FAAP20: variants seen among roughly 807,000 people sequenced by gnomAD.
FAAP20 encodes the protein Fanconi anemia core complex-associated protein 20.
FAAP20 carries 12 observed loss-of-function variants against 16.2 expected under a neutral mutation model. The observed-to-expected ratio is 0.74, with a 90% confidence interval of 0.48 to 1.20. The LOEUF is 1.20. FAAP20 is among the 50% of genes most tolerant of loss of function. FAAP20 has a pLI of 0.00. For synonymous variants in FAAP20, 141 were observed against 110.7 expected, an observed-to-expected ratio of 1.27 and a Z score of -1.72; for missense variants, 288 against 245.8, an observed-to-expected ratio of 1.17 and a Z score of -1.15.
At chr1:2,201,169 G>C, upstream of FAAP20, 2 of 1,269,268 alleles carry the variant, frequency 1.6e-6, no homozygotes, top group Non-Finnish European at 2.1e-6. Flanking sequence ...TGAGTGACGT[G>C]CAGACCTTCA....
chr1:2,210,506 C>G (rs1105270), downstream of FAAP20, among the ~76,000 whole-genome samples: 3 of 151,950 alleles, frequency 2.0e-5, no homozygotes, highest in Non-Finnish European at 4.4e-5. Context: ...TGGGGCTGAT[C>G]TAGTCACAGG....
chr1:2,184,483 T>G (rs928521964), downstream of FAAP20: 1 of 814,954 alleles, frequency 1.2e-6, no homozygotes, highest in South Asian at 1.7e-5. Flanking sequence ...ATGCTGACTT[T>G]CTCACTGTTT....
At chr1:2,201,498 T>G (rs181315937), upstream of FAAP20, among the ~76,000 whole-genome samples, 36 of 151,956 alleles carry the variant, frequency 2.4e-4, no homozygotes, top group East Asian at 6.4e-3. Flanking sequence ...AAGGCGGGTG[T>G]ATCACCTGAG....
intron 3 of FAAP20, 108 bp downstream of exon 3, chr1:2,193,530 AG>A: frequency 2.7e-6 from 4 of 1,481,812 alleles, no homozygotes; most frequent in Non-Finnish European, 3.6e-6. Context: ...AGTGTGAAAC[AG>A]GGCTTTAAAA....
At position 2,189,731 on chromosome 1, in the gene FAAP20, C is replaced by T. The variant is rs1433283696; in HGVS notation, c.521G>A (p.Ser174Asn). Residue 174 changes from serine (S) to asparagine (N), a missense_variant, in exon 4 of 4, where the codon AGC (serine) becomes AAC (asparagine). Ser to Asn is a conservative substitution (Grantham distance 46, BLOSUM62 1). Coordinates refer to ENST00000378546, the MANE Select transcript of FAAP20 (RefSeq NM_182533.4). ...CGCTCACCACGTCACGTCTTCTGTG[C>T]TTTCGGCCAAGCACTGGGCCAGGTG... ...DSHLAQCLAE[S>N]TEDVTW 6.2e-7 allele frequency: 1 copy of T among 1,611,042 alleles called. No individual in the cohort carries two copies. Among genetic ancestry groups the T allele is most frequent in the Non-Finnish European group, 8.5e-7 (1 of 1,178,618 alleles).
intron 3 of FAAP20, chr1:2,190,412 G>A (rs896739185): frequency 1.3e-5 from 6 of 447,944 alleles, no homozygotes; most frequent in Non-Finnish European, 2.3e-5. Context: ...AAACCCATCC[G>A]AGTCCTGCAG....
upstream of FAAP20, chr1:2,194,817 CG>C (rs1688728179): frequency 6.4e-6 from 7 of 1,088,458 alleles, no homozygotes; most frequent in Non-Finnish European, 7.8e-6. Context: ...GCCCCCGCCC[CG>C]GCCCCGCCTC....
upstream of FAAP20, chr1:2,199,371 C>T (rs969765016): frequency 2.3e-5 from 23 of 1,019,360 alleles, no homozygotes; most frequent in Non-Finnish European, 2.6e-5. This position sits in a 1 kb window ranked among gnomAD's most constrained non-coding sequence, Gnocchi z 4.5. Context: ...GCTCTGACGT[C>T]CCCCCGCCCG....
At chr1:2,193,118 G>T (rs1417945122) in intron 3 of FAAP20, 2 of 800,692 alleles carry the variant, frequency 2.5e-6, no homozygotes, top group Non-Finnish European at 3.5e-6. Context: ...GGAGGCCAAG[G>T]GCCCAGAGGT....
At chr1:2,185,495 G>A (rs1687452626), downstream of FAAP20, 1 of 717,950 alleles carries the variant, frequency 1.4e-6, no homozygotes, top group Non-Finnish European at 2.6e-6. Flanking sequence ...GACACAGGTG[G>A]GGGCGGGAGT....
chr1:2,189,429 T>C (rs1423882606), downstream of FAAP20: 4 of 519,230 alleles, frequency 7.7e-6, no homozygotes, highest in Non-Finnish European at 1.4e-5. Context: ...CCGTCCGCTG[T>C]CCACAGTGGG....
chr1:2,211,428 TATA>T (rs1557797930), downstream of FAAP20, among the ~76,000 whole-genome samples: 7 of 30,760 alleles, frequency 2.3e-4, no homozygotes, highest in African/African-American at 5.7e-4. Flanking sequence ...TATATATATA[TATA>T]TATATTTTTT....
At position 2,194,121 on chromosome 1, in the gene FAAP20, G is replaced by C; in HGVS notation, c.75C>G (p.Gly25=). The C allele has an allele frequency of 6.2e-7, 1 of 1,612,202 alleles. No homozygotes were observed. Among genetic ancestry groups the C allele is most frequent in the South Asian group, 1.1e-5 (1 of 91,066 alleles). The change falls in exon 2 of 4, where the codon GGC becomes GGG. Residue 25 remains glycine (G), a synonymous_variant. Transcript: ENST00000378546. ...CACCCCCCAGGAGAAACCAGGGGCG[G>C]CCGCCAGAAGGCCTGGGGCAGACAG... ...RPRPAGGPSG[G]RPWFLLGGDE...
At chr1:2,211,419 ATATATATATATATATATTTTTTTT>A (rs1689436666), downstream of FAAP20, among the ~76,000 whole-genome samples, 1 of 17,148 alleles carries the variant, frequency 5.8e-5, no homozygotes, top group Admixed American at 7.6e-4. Flanking sequence ...ATATATATAT[ATATATATATATATATATTTTTTTT>A]TTTTTTTTTT....
chr1:2,200,314 G>A (rs565445782), upstream of FAAP20: 22 of 151,614 alleles, frequency 1.5e-4, 1 homozygote, highest in South Asian at 3.9e-3. Context: ...AGAATCGCTT[G>A]AACCCAGGAG....
At chr1:2,189,935 C>G in intron 3 of FAAP20, 154 bp from the exon 4 acceptor site, 1 of 666,848 alleles carries the variant, frequency 1.5e-6, no homozygotes, top group Non-Finnish European at 2.7e-6. Flanking sequence ...GGCTCATGCA[C>G]CCGGCAGACC....
rs1356315050 is a variant in FAAP20, at chr1:2,193,743, C to T, written c.366G>A (p.Pro122=). Residue 122 remains proline, a synonymous_variant, in exon 3 of 4, where the codon CCG becomes CCA. Coordinates refer to ENST00000378546, the MANE Select transcript of FAAP20 (RefSeq NM_182533.4). Reference sequence around the variant, plus strand: ...TGGGGGCCCTGCAGGGATCAGGTGCCGGGCGCTGGGGCAGGGACCTGGCGG... The same window carrying T: ...TGGGGGCCCTGCAGGGATCAGGTGCTGGGCGCTGGGGCAGGGACCTGGCGG... ...ESPARSLPQR[P]APDPCRAPRV... The T allele has an allele frequency of 1.9e-6, 3 of 1,591,356 alleles. No individual in the cohort carries two copies. Among genetic ancestry groups the T allele is most frequent in the East Asian group, 2.2e-5 (1 of 44,728 alleles).
upstream of FAAP20, chr1:2,212,674 G>GT (rs1638238334): frequency 3.5e-6 from 1 of 287,888 alleles, no homozygotes; most frequent in African/African-American, 2.3e-5. Flanking sequence ...CCAAAAGGGT[G>GT]TAAGTTCCAA....
Position 2,194,099 on chromosome 1 carries a change from C to G in FAAP20, c.97G>C (p.Gly33Arg), listed in dbSNP as rs1237356366. The change falls in exon 2 of 4, where the codon GGT becomes CGT. Residue 33 changes from glycine to arginine, a missense_variant. Gly to Arg is a moderately radical substitution (Grantham distance 125, BLOSUM62 -2). Coordinates refer to ENST00000378546, the MANE Select transcript of FAAP20 (RefSeq NM_182533.4). ...GCCCAGAGCCGCTCCCGCTCATCACCCCCCAGGAGAAACCAGGGGCGGCCG... is the reference window on the plus strand; with the variant it reads ...GCCCAGAGCCGCTCCCGCTCATCACGCCCCAGGAGAAACCAGGGGCGGCCG... ...SGGRPWFLLG[G>R]DERERLWAEL... The G allele has an allele frequency of 6.2e-7, 1 of 1,612,456 alleles. No homozygotes were observed. The highest frequency in any genetic ancestry group is 8.5e-7 in the Non-Finnish European group (1 of 1,179,894).
Sources: allele counts gnomAD v4.1 joint callset (sites outside exome capture counted in the v4.1 genomes callset), GRCh38; gene constraint gnomAD v4.1.1; non-coding constraint Gnocchi (gnomAD v3.1); transcripts MANE v1.5; gene names NCBI Gene and HGNC (gene_info 2026-07-23, HGNC 2026-07-21).